Variants in LTBP1 observed in about 807,000 individuals in gnomAD.
The protein encoded by LTBP1 is latent-transforming growth factor beta-binding protein 1.
A neutral mutation model predicts 207.6 loss-of-function variants in LTBP1; 129 were observed. The observed-to-expected ratio is 0.62, with a 90% confidence interval of 0.54 to 0.72. The LOEUF is 0.72. LTBP1 is among the 30% of genes least tolerant of loss of function. The pLI is 0.00. For synonymous variants in LTBP1, 963 were observed against 833.7 expected (o/e 1.16, Z -2.67); for missense variants, 2,281 against 2,217.2 (o/e 1.03, Z -0.58).
At chr2:33,311,304 T>A (rs2094184056) in intron 23 of LTBP1, among the ~76,000 whole-genome samples, 1 of 152,200 alleles carries the variant, frequency 6.6e-6, no homozygotes, top group Admixed American at 6.5e-5. Context: ...ATTTTAAAAA[T>A]CCCAAGATTT....
intron 9 of LTBP1, among the ~76,000 whole-genome samples, chr2:33,226,587 G>C (rs969015088): frequency 3.3e-5 from 5 of 152,174 alleles, no homozygotes; most frequent in African/African-American, 1.2e-4. Context: ...GTAAATTGCT[G>C]GCTAGCTATA....
intron 5 of LTBP1, among the ~76,000 whole-genome samples, chr2:33,158,791 C>G (rs1228094313): frequency 6.6e-6 from 1 of 152,198 alleles, no homozygotes; most frequent in Non-Finnish European, 1.5e-5. Flanking sequence ...ACTGGCTTCT[C>G]CACTCCTCTC....
chr2:33,065,392 A>G (rs2077460984), intron 3 of LTBP1, among the ~76,000 whole-genome samples: 1 of 152,144 alleles, frequency 6.6e-6, no homozygotes, highest in South Asian at 2.1e-4. Context: ...CATCTCTACA[A>G]AAAATAAAAA....
At chr2:33,121,436 G>T (rs2081115034) in intron 4 of LTBP1, among the ~76,000 whole-genome samples, 1 of 152,052 alleles carries the variant, frequency 6.6e-6, no homozygotes, top group Non-Finnish European at 1.5e-5. Flanking sequence ...GGTCGTTCCT[G>T]TGTTGATGGT....
chr2:33,049,565 A>G (rs73924127), intron 3 of LTBP1, among the ~76,000 whole-genome samples: 2,442 of 152,342 alleles, frequency 0.016, 74 homozygotes, highest in African/African-American at 0.055. Flanking sequence ...ATCATGCCGC[A>G]GTCACTAAGA....
chr2:33,315,932 C>T (rs959385382), intron 24 of LTBP1, among the ~76,000 whole-genome samples: 6 of 152,002 alleles, frequency 3.9e-5, no homozygotes, highest in South Asian at 2.1e-4. Context: ...AGTAAGACTC[C>T]GTCTAAAAAA....
At chr2:33,168,411 A>C (rs1039313143) in intron 5 of LTBP1, among the ~76,000 whole-genome samples, 5 of 151,730 alleles carry the variant, frequency 3.3e-5, no homozygotes, top group Non-Finnish European at 1.5e-5. Flanking sequence ...AAAAAAAAAA[A>C]AAAAAGAAAA....
At chr2:32,954,874 A>C (rs1038289789) in intron 2 of LTBP1, among the ~76,000 whole-genome samples, 1 of 152,126 alleles carries the variant, frequency 6.6e-6, no homozygotes, top group African/African-American at 2.4e-5. Context: ...CTACTGCAGC[A>C]GCTCTGGCTG....
chr2:33,197,431 C>G (rs2088686253), intron 7 of LTBP1, among the ~76,000 whole-genome samples: 1 of 152,196 alleles, frequency 6.6e-6, no homozygotes, highest in Admixed American at 6.5e-5. Context: ...TCATTTTTCA[C>G]AGGCTTCAAA....
intron 24 of LTBP1, among the ~76,000 whole-genome samples, chr2:33,317,211 T>C (rs923797367): frequency 2.6e-5 from 4 of 152,212 alleles, no homozygotes; most frequent in Non-Finnish European, 5.9e-5. Flanking sequence ...AATGTGGTTT[T>C]AGGAAACTTG....
intron 3 of LTBP1, among the ~76,000 whole-genome samples, chr2:33,069,326 G>C (rs924050340): frequency 1.3e-5 from 2 of 152,034 alleles, no homozygotes; most frequent in African/African-American, 4.8e-5. Context: ...CCTCTAGTCT[G>C]CACCTCTTCC....
rs777736398 is a variant in LTBP1, at chr2:33,191,673, G to A, written c.1701+2822G>A. 7.9e-5 allele frequency among the ~76,000 whole-genome samples: 12 copies of A among 152,276 alleles called. No individual in the cohort carries two copies. In the East Asian group the frequency reaches 9.6e-4, roughly 12 times the overall value. ...TTCTTGCTGTGGTTGGTTTGCAAAC[G>A]TAGCTATAGCCAGGAGGTATAGGTA... On this transcript the variant is annotated intron_variant, in intron 7 of 33. Transcript: ENST00000404816.
intron 7 of LTBP1, among the ~76,000 whole-genome samples, chr2:33,202,395 G>A (rs2089409816): frequency 6.6e-6 from 1 of 152,188 alleles, no homozygotes; most frequent in African/African-American, 2.4e-5. Context: ...TCTTTTCTCA[G>A]TGATGAGAAA....
At position 32,971,575 on chromosome 2, in the gene LTBP1, C is replaced by T. The variant is rs1018213854; in HGVS notation, c.565+22630C>T. Among the ~76,000 whole-genome samples the T allele has an allele frequency of 5.3e-5, 8 of 152,208 alleles. No individual in the cohort carries two copies. In the East Asian group the frequency reaches 1.5e-3, roughly 29 times the overall value. On this transcript the variant is annotated intron_variant, in intron 2 of 33. Transcript: ENST00000404816. The stretch of plus-strand genomic sequence containing the variant: ...TCATGTGGTTTTTGTTTTTACCCCT[C>T]TTTTTGTGATAGATCACATTTATTG...
At chr2:33,316,628 C>T (rs939187278) in intron 24 of LTBP1, among the ~76,000 whole-genome samples, 3 of 152,146 alleles carry the variant, frequency 2.0e-5, no homozygotes, top group African/African-American at 7.2e-5. Flanking sequence ...TGGAAGAAAG[C>T]ATCATAATAA....
At chr2:33,123,188 T>C (rs1288526215) in intron 4 of LTBP1, among the ~76,000 whole-genome samples, 1 of 152,228 alleles carries the variant, frequency 6.6e-6, no homozygotes, top group Non-Finnish European at 1.5e-5. Flanking sequence ...TTGTTCTGCC[T>C]GGCCTGCGGG....
intron 5 of LTBP1, among the ~76,000 whole-genome samples, chr2:33,174,907 A>G (rs2085867502): frequency 8.8e-6 from 1 of 113,842 alleles, no homozygotes; most frequent in Non-Finnish European, 2.0e-5. Flanking sequence ...GCAATGGGGA[A>G]AGGATTCCCT....
At position 33,110,648 on chromosome 2, in the gene LTBP1, G is replaced by A; in HGVS notation, c.930G>A (p.Lys310=). The A allele has an allele frequency of 6.2e-7, 1 of 1,614,194 alleles. No homozygotes were observed. The highest frequency in any genetic ancestry group is 1.1e-5 in the South Asian group (1 of 91,078). ...HHGQTQEYVL[K]PKYFPAQKGI... ...GCCAGACCCAGGAATACGTGCTCAA[G>A]CCCAAGTACTTTCCAGCCCAGAAGG... is the stretch of plus-strand genomic sequence containing the variant. The change falls in exon 4 of 34, where the codon AAG becomes AAA. Residue 310 remains lysine (K), a synonymous_variant. Coordinates refer to ENST00000404816, the MANE Select transcript of LTBP1 (RefSeq NM_206943.4).
chr2:33,116,744 G>A (rs1459992508), intron 4 of LTBP1, among the ~76,000 whole-genome samples: 4 of 144,882 alleles, frequency 2.8e-5, no homozygotes, highest in Non-Finnish European at 6.0e-5. Context: ...GAGAGAGAGA[G>A]AAATGACTGG....
Sources: allele counts gnomAD v4.1 joint callset (sites outside exome capture counted in the v4.1 genomes callset), GRCh38; gene constraint gnomAD v4.1.1; transcripts MANE v1.5; gene names NCBI Gene and HGNC (gene_info 2026-07-23, HGNC 2026-07-21).